The following PMFBP1 variants were observed in gnomAD, a reference collection of about 807,000 sequenced individuals.
PMFBP1 encodes the protein polyamine-modulated factor 1-binding protein 1.
A neutral mutation model predicts 137.8 loss-of-function variants in PMFBP1; 131 were observed. The ratio of observed to expected loss-of-function variants is 0.95; its 90% CI spans 0.82 to 1.10. The LOEUF (loss-of-function observed/expected upper bound fraction) is 1.10, where lower values mean the gene tolerates loss of function less well. Ranked by LOEUF, PMFBP1 falls within the 50% of genes least tolerant of loss-of-function variation. The pLI is 0.00. For synonymous variants in PMFBP1, 490 were observed against 450.4 expected, an observed-to-expected ratio of 1.09 and a Z score of -1.11; for missense variants, 1,199 against 1,175.4, an observed-to-expected ratio of 1.02 and a Z score of -0.29.
upstream of PMFBP1, among the ~76,000 whole-genome samples, chr16:72,174,378 C>T (rs2043248121): frequency 6.6e-6 from 1 of 152,216 alleles, no homozygotes; most frequent in South Asian, 2.1e-4. Context: ...GATTCCCTCA[C>T]AGTTCATGAT....
upstream of PMFBP1, among the ~76,000 whole-genome samples, chr16:72,175,272 T>G (rs2043254269): frequency 6.6e-6 from 1 of 152,220 alleles, no homozygotes; most frequent in South Asian, 2.1e-4. Flanking sequence ...GTTACCCTAT[T>G]CCTCCTCTTT....
chr16:72,171,304 T>A, intron 1 of PMFBP1, 36 bp from the exon 2 acceptor site: 1 of 1,365,758 alleles, frequency 7.3e-7, no homozygotes, highest in Non-Finnish European at 1.0e-6. Flanking sequence ...GGAAAAAGTA[T>A]AAATGAGCCT....
At chr16:72,140,382 CA>C in intron 6 of PMFBP1, 29 bp downstream of exon 6, 1 of 1,586,508 alleles carries the variant, frequency 6.3e-7, no homozygotes, top group Non-Finnish European at 8.7e-7. Context: ...GAGGGTCTCC[CA>C]GAGACATGTT....
At chr16:72,130,481 TG>T in intron 11 of PMFBP1, 51 bp downstream of exon 11, 1 of 1,609,408 alleles carries the variant, frequency 6.2e-7, no homozygotes, top group Non-Finnish European at 8.5e-7. Context: ...AGGGCCCGGC[TG>T]GGTCAAGAGT....
At chr16:72,185,167 C>A in the PMFBP1 span, among the ~76,000 whole-genome samples, 1 of 151,874 alleles carries the variant, frequency 6.6e-6, no homozygotes, top group African/African-American at 2.4e-5. Flanking sequence ...GGGATTATGG[C>A]TGTGCACCAT....
Position 72,119,265 on chromosome 16 carries a change from G to C in PMFBP1, c.*73C>G. The C allele has an allele frequency of 2.0e-6, 3 of 1,510,080 alleles. No homozygotes were observed. The Admixed American group carries it at 5.0e-5, about 25-fold the overall frequency. The allele number at this position is 1,510,080 out of a possible 1,614,324, so 93.5% of individuals were successfully genotyped here. ...GTAAGAGCTGATCCAGGTCAAGAGA[G>C]AGGGAGGGCTGGGAACTCACTGTCC... On this transcript the variant is annotated 3_prime_UTR_variant, in exon 21 of 21. Transcript: ENST00000237353.
chr16:72,171,686 C>T (rs528187955), intron 1 of PMFBP1: 3 of 153,986 alleles, frequency 1.9e-5, no homozygotes, highest in Admixed American at 1.9e-4. Context: ...CTACTATCCT[C>T]ATTTAAAGAT....
chr16:72,207,701 C>T, the PMFBP1 span, among the ~76,000 whole-genome samples: 7 of 119,804 alleles, frequency 5.8e-5, no homozygotes, highest in Admixed American at 3.0e-4. Flanking sequence ...GAAAGAGAAC[C>T]AGTAGGGCAT....
chr16:72,154,153 T>A, intron 4 of PMFBP1, 58 bp downstream of exon 4: 8 of 1,587,678 alleles, frequency 5.0e-6, no homozygotes, highest in Non-Finnish European at 6.9e-6. Flanking sequence ...GTGGGCTTGG[T>A]CTGATTTCTG....
At chr16:72,177,566 C>G (rs1033904954), upstream of PMFBP1, among the ~76,000 whole-genome samples, 19 of 152,172 alleles carry the variant, frequency 1.2e-4, no homozygotes, top group African/African-American at 4.6e-4. Flanking sequence ...AAATAGTACA[C>G]AGAGTTCCTG....
chr16:72,200,956 T>TG, the PMFBP1 span, among the ~76,000 whole-genome samples: 6 of 152,174 alleles, frequency 3.9e-5, no homozygotes, highest in African/African-American at 1.2e-4. Flanking sequence ...GACCTGGCCG[T>TG]GGGGGGTCCC....
chr16:72,222,899 G>T, the PMFBP1 span, among the ~76,000 whole-genome samples: 2 of 152,176 alleles, frequency 1.3e-5, no homozygotes, highest in Non-Finnish European at 2.9e-5. Context: ...GGAGCAGTAG[G>T]AATTCAATCA....
the PMFBP1 span, among the ~76,000 whole-genome samples, chr16:72,213,351 T>C: frequency 3.3e-5 from 5 of 152,162 alleles, no homozygotes; most frequent in Non-Finnish European, 2.9e-5. Context: ...AATGATAGGG[T>C]GTTCCTTCCA....
At chr16:72,140,101 C>G (rs1244152145) in intron 6 of PMFBP1, among the ~76,000 whole-genome samples, 1 of 152,218 alleles carries the variant, frequency 6.6e-6, no homozygotes, top group Admixed American at 6.5e-5. Context: ...GTCCTTTTTA[C>G]TGGCTGCATA....
At chr16:72,203,155 T>C in the PMFBP1 span, among the ~76,000 whole-genome samples, 207 of 152,358 alleles carry the variant, frequency 1.4e-3, 1 homozygote, top group Non-Finnish European at 2.4e-3. Context: ...CTGGAATCTT[T>C]GGTTTATAAA....
chr16:72,158,154 T>C (rs1179608577), intron 3 of PMFBP1, among the ~76,000 whole-genome samples: 2 of 152,090 alleles, frequency 1.3e-5, no homozygotes, highest in African/African-American at 4.8e-5. Context: ...CCAGGCTCTC[T>C]TGGAAGTGTC....
At chr16:72,230,270 C>G in the PMFBP1 span, among the ~76,000 whole-genome samples, 1 of 152,124 alleles carries the variant, frequency 6.6e-6, no homozygotes, top group Non-Finnish European at 1.5e-5. Flanking sequence ...ATACACAAAC[C>G]ATTAGGATAT....
intron 3 of PMFBP1, among the ~76,000 whole-genome samples, chr16:72,162,074 G>T (rs1286575469): frequency 6.6e-6 from 1 of 152,148 alleles, no homozygotes; most frequent in African/African-American, 2.4e-5. Flanking sequence ...TGCTCAAAAG[G>T]CCCTTTCTTT....
intron 4 of PMFBP1, 66 bp downstream of exon 4, chr16:72,154,145 G>A: frequency 6.4e-7 from 1 of 1,572,072 alleles, no homozygotes; most frequent in Non-Finnish European, 8.6e-7. Flanking sequence ...GCTTTCTAGT[G>A]GGCTTGGTCT....
Sources: gnomAD v4.1 joint callset for allele counts (sites outside exome capture counted in the v4.1 genomes callset) on GRCh38, gnomAD v4.1.1 for gene constraint, MANE v1.5 for transcripts, NCBI Gene and HGNC (gene_info 2026-07-23, HGNC 2026-07-21) for gene names.